KANSL1: variants seen among roughly 807,000 people sequenced by gnomAD.
KANSL1 encodes MLL1/MLL complex subunit KANSL1.
A neutral mutation model predicts 103.6 loss-of-function variants in KANSL1; 22 were observed. The observed-to-expected ratio is 0.21, with a 90% confidence interval of 0.15 to 0.30. The LOEUF is 0.30. KANSL1 is among the 10% of genes least tolerant of loss of function. The pLI, the probability that KANSL1 is intolerant of heterozygous loss-of-function variation, is 1.00. For synonymous variants in KANSL1, 600 were observed against 527.6 expected, an observed-to-expected ratio of 1.14 and a Z score of -1.88; for missense variants, 1,337 against 1,399.8, an observed-to-expected ratio of 0.96 and a Z score of 0.72.
intron 6 of KANSL1, among the ~76,000 whole-genome samples, chr17:46,062,118 C>CAAAAAAAA (rs66529773): frequency 9.2e-6 from 1 of 108,776 alleles, no homozygotes; most frequent in African/African-American, 3.6e-5. Context: ...AACAAACAAA[C>CAAAAAAAA]AAAAAAAAAA....
chr17:46,192,408 G>T (rs1324833203), intron 1 of KANSL1: 1 of 152,518 alleles, frequency 6.6e-6, no homozygotes, highest in Non-Finnish European at 1.5e-5. Flanking sequence ...AATCAGAGTT[G>T]TGATACAAAC....
intron 2 of KANSL1, among the ~76,000 whole-genome samples, chr17:46,147,332 G>C (rs2044765474): frequency 6.6e-6 from 1 of 152,184 alleles, no homozygotes; most frequent in African/African-American, 2.4e-5. Flanking sequence ...CCAGCACTTT[G>C]GAAGGCCAAG....
intron 2 of KANSL1, among the ~76,000 whole-genome samples, chr17:46,103,362 TTATTTTTAAGCCAA>T (rs1344749287): frequency 1.3e-5 from 2 of 152,220 alleles, no homozygotes; most frequent in African/African-American, 4.8e-5. Context: ...TCCCTATGAA[TTATTTTTAAGCCAA>T]TTCCCAACAT....
chr17:46,214,602 C>T (rs1473821959), intron 1 of KANSL1, among the ~76,000 whole-genome samples: 2 of 152,254 alleles, frequency 1.3e-5, no homozygotes, highest in Non-Finnish European at 2.9e-5. Flanking sequence ...TGCAGTGAGC[C>T]GAGATCGCGC....
At chr17:46,148,324 T>C (rs1164112508) in intron 2 of KANSL1, 2 of 152,228 alleles carry the variant, frequency 1.3e-5, no homozygotes, top group African/African-American at 4.8e-5. Flanking sequence ...TTCTGTCACA[T>C]TTTAAGGATT....
chr17:46,125,113 G>A (rs1169360979), intron 2 of KANSL1, among the ~76,000 whole-genome samples: 1 of 110,350 alleles, frequency 9.1e-6, no homozygotes, highest in Non-Finnish European at 1.9e-5. Context: ...AGGGAGGGAG[G>A]GAGGGAGGGA....
chr17:46,045,732 C>T (rs1186720787), intron 7 of KANSL1: 1 of 152,012 alleles, frequency 6.6e-6, no homozygotes, highest in Non-Finnish European at 1.5e-5. Context: ...GTCCTGCAGT[C>T]AGCAGGACAG....
intron 2 of KANSL1, among the ~76,000 whole-genome samples, chr17:46,163,884 C>T (rs1051021939): frequency 2.6e-5 from 4 of 152,236 alleles, no homozygotes; most frequent in Non-Finnish European, 4.4e-5. Context: ...AAGCCCTATA[C>T]CTTTCAACTT....
chr17:46,032,949 T>C, intron 13 of KANSL1, 131 bp downstream of exon 13: 1 of 666,350 alleles, frequency 1.5e-6, no homozygotes, highest in Non-Finnish European at 2.5e-6. Flanking sequence ...TTCTGAGCTA[T>C]TTGCCACTGC....
At chr17:46,177,293 T>C (rs946025007) in intron 1 of KANSL1, among the ~76,000 whole-genome samples, 19 of 152,232 alleles carry the variant, frequency 1.2e-4, no homozygotes, top group African/African-American at 3.4e-4. Context: ...AAAGGAAACA[T>C]AGAAGGAATG....
chr17:46,106,432 G>A (rs1370805159), intron 2 of KANSL1, among the ~76,000 whole-genome samples: 7 of 152,050 alleles, frequency 4.6e-5, no homozygotes, highest in Non-Finnish European at 8.8e-5. Flanking sequence ...TCGCTCTTTC[G>A]CCCAGGCTGG....
chr17:46,126,244 C>T (rs867191034), intron 2 of KANSL1, among the ~76,000 whole-genome samples: 1 of 152,138 alleles, frequency 6.6e-6, no homozygotes, highest in Non-Finnish European at 1.5e-5. Flanking sequence ...GAGTTCGAGA[C>T]CAGCCTGGCC....
At chr17:46,096,307 T>TTTTCTTTTTTTCTTTCTTTC (rs2042065002) in intron 2 of KANSL1, among the ~76,000 whole-genome samples, 1 of 124,704 alleles carries the variant, frequency 8.0e-6, no homozygotes, top group Non-Finnish European at 1.6e-5. Context: ...CCTGGCTTTT[T>TTTTCTTTTTTTCTTTCTTTC]TTTCTTTTTT....
At chr17:46,113,255 A>G (rs2042900325) in intron 2 of KANSL1, among the ~76,000 whole-genome samples, 1 of 152,232 alleles carries the variant, frequency 6.6e-6, no homozygotes, top group African/African-American at 2.4e-5. Context: ...TGATAAGAAT[A>G]AAATCTTAGC....
In KANSL1 at chr17:46,171,138, C is replaced by G; in HGVS notation, c.1006G>C (p.Glu336Gln). 6.2e-7 allele frequency: 1 copy of G among 1,614,160 alleles called. No individual in the cohort carries two copies. The change falls in exon 2 of 15, where the codon GAA becomes CAA. Residue 336 changes from glutamate (E) to glutamine (Q), a missense_variant. By Grantham distance (29) the Glu-to-Gln change is conservative (BLOSUM62 2). Around this residue, in one of 2 missense-constraint regions of KANSL1, gnomAD observed 557 missense variants for 476.4 expected, o/e 1.17. Transcript: ENST00000432791. ...EKTLSKLPNL[E>Q]SLRPRSQLML... ...AACTGGCTCCGTGGTCTCAAGGATT[C>G]CAAGTTTGGCAGTTTGCTCAAAGTC...
At chr17:46,054,966 T>C (rs1433406540) in intron 6 of KANSL1, among the ~76,000 whole-genome samples, 1 of 151,438 alleles carries the variant, frequency 6.6e-6, no homozygotes, top group Non-Finnish European at 1.5e-5. Context: ...TTCTCCTATC[T>C]CAGCCTCCCG....
chr17:46,052,964 CAAAAAAAAAAAAAAAAAAAAAA>C lies in KANSL1; in HGVS notation c.1849-2282_1849-2261del, dbSNP rs34473927. 2.0e-3 allele frequency among the ~76,000 whole-genome samples: 67 copies of C among 33,002 alleles called. 1 individual carries two copies. Among genetic ancestry groups the C allele is most frequent in the Middle Eastern group, 0.028 (1 of 36 alleles). 21.7% of individuals were successfully genotyped at this position (33,002 alleles called of 152,430 possible). ...GGGAAAAAGAGTAAGATCCTGTCTC[CAAAAAAAAAAAAAAAAAAAAAA>C]AAAAAAAAAAAAAAAAAAAGGCTGC... On this transcript the variant is annotated intron_variant, in intron 6 of 14. Transcript: ENST00000432791.
chr17:46,031,930 G>A (rs1389574821), intron 14 of KANSL1, 117 bp downstream of exon 14: 2 of 1,414,634 alleles, frequency 1.4e-6, no homozygotes, highest in South Asian at 1.3e-5. Context: ...TTTAAGTGCA[G>A]CCCTTTGTCC....
At position 46,046,528 on chromosome 17, in the gene KANSL1, CAAAAA is replaced by C. The variant is rs58711350; in HGVS notation, c.2020+4000_2020+4004del. ...CCTGAGTGACAGAGTGAGACTCTGT[CAAAAA>C]AAAAAAAAAAAAAAAAAAAAAAAGC... is the stretch of plus-strand genomic sequence containing the variant. On this transcript the variant is annotated intron_variant, in intron 7 of 14. Coordinates refer to ENST00000432791, the MANE Select transcript of KANSL1 (RefSeq NM_015443.4). 5.0e-3 allele frequency among the ~76,000 whole-genome samples: 165 copies of C among 33,142 alleles called. 1 individual carries two copies. Among genetic ancestry groups the C allele is most frequent in the Admixed American group, 6.0e-3 (12 of 1,986 alleles). The allele number at this position is 33,142 out of a possible 152,430, so 21.7% of individuals were successfully genotyped here. A position where few individuals can be genotyped will look rare whatever the true frequency, so the allele number is the denominator to read the frequency against.
Sources: gnomAD v4.1 joint callset for allele counts (sites outside exome capture counted in the v4.1 genomes callset) on GRCh38, gnomAD v4.1.1 for gene constraint, gnomAD v4.1.1 regional missense constraint, MANE v1.5 for transcripts, NCBI Gene and HGNC (gene_info 2026-07-23, HGNC 2026-07-21) for gene names.